FAM184B: variants seen among roughly 807,000 people sequenced by gnomAD.
The protein encoded by FAM184B is family with sequence similarity 184 member B.
FAM184B carries 111 observed loss-of-function variants against 135.9 expected under a neutral mutation model. The ratio of observed to expected loss-of-function variants is 0.82; its 90% CI spans 0.70 to 0.96. The LOEUF is 0.96. FAM184B is among the 40% of genes least tolerant of loss of function. The pLI is 0.00. For missense variants in FAM184B, 1,375 were observed against 1,323.9 expected (o/e 1.04, Z -0.60); for synonymous variants, 552 against 524.8 (o/e 1.05, Z -0.71).
chr4:17,646,679 T>C (rs1374233288), intron 12 of FAM184B, among the ~76,000 whole-genome samples: 1 of 152,140 alleles, frequency 6.6e-6, no homozygotes, highest in Non-Finnish European at 1.5e-5. Flanking sequence ...TGCACACATA[T>C]GTAACAAACC....
chr4:17,650,991 C>T (rs1715600651), intron 11 of FAM184B, among the ~76,000 whole-genome samples: 1 of 152,128 alleles, frequency 6.6e-6, no homozygotes, highest in African/African-American at 2.4e-5. Context: ...TCACCTTGGC[C>T]TCCCAAAGTG....
At chr4:17,669,516 A>C (rs1280579323) in intron 7 of FAM184B, among the ~76,000 whole-genome samples, 1 of 152,226 alleles carries the variant, frequency 6.6e-6, no homozygotes, top group Non-Finnish European at 1.5e-5. Context: ...ATTCAAGGTT[A>C]CAAAGAAATT....
chr4:17,708,778 G>A, intron 2 of FAM184B, 114 bp downstream of exon 2: 1 of 1,014,904 alleles, frequency 9.9e-7, no homozygotes, highest in Non-Finnish European at 1.4e-6. Flanking sequence ...AGATAATAGG[G>A]CTCACCTCCG....
intron 1 of FAM184B, among the ~76,000 whole-genome samples, chr4:17,755,663 G>A (rs1718401812): frequency 6.6e-6 from 1 of 152,140 alleles, no homozygotes; most frequent in Non-Finnish European, 1.5e-5. Context: ...CAACCCAAAT[G>A]CCCATCAATG....
At chr4:17,641,691 G>C (rs1428371475) in intron 13 of FAM184B, among the ~76,000 whole-genome samples, 1 of 89,220 alleles carries the variant, frequency 1.1e-5, no homozygotes, top group African/African-American at 3.5e-5. Context: ...GTGGAGACAG[G>C]GTTTCATCAT....
chr4:17,681,088 G>A (rs938222293), intron 7 of FAM184B, among the ~76,000 whole-genome samples: 4 of 152,156 alleles, frequency 2.6e-5, no homozygotes, highest in African/African-American at 9.7e-5. Flanking sequence ...GCTTTCTCCT[G>A]TTCATTACCA....
In FAM184B at chr4:17,659,970, T is replaced by C; in HGVS notation, c.1812A>G (p.Lys604=). ...LEEDWQSQKA[K]LQAQVSQMQQ... is the part of the protein sequence containing the mutation. Reference sequence around the variant, plus strand: ...AGGGTTGTCCTACCTGGGCTTGCAATTTGGCCTTCTGGCTTTGCCAGTCCT... The same window carrying C: ...AGGGTTGTCCTACCTGGGCTTGCAACTTGGCCTTCTGGCTTTGCCAGTCCT... Residue 604 remains lysine (K), a synonymous_variant, in exon 9 of 18, where the codon AAA becomes AAG. Transcript: ENST00000265018. The C allele has an allele frequency of 1.3e-6, 2 of 1,550,972 alleles. No homozygotes were observed. Among genetic ancestry groups the C allele is most frequent in the Non-Finnish European group, 8.7e-7 (1 of 1,146,976 alleles).
intron 11 of FAM184B, among the ~76,000 whole-genome samples, chr4:17,651,532 T>C (rs1415241655): frequency 1.3e-5 from 1 of 79,554 alleles, no homozygotes; most frequent in Non-Finnish European, 2.2e-5. Context: ...AGCAAGACTC[T>C]GTCTCAAAAA....
At chr4:17,735,675 T>C (rs966659575) in intron 1 of FAM184B, among the ~76,000 whole-genome samples, 2 of 150,246 alleles carry the variant, frequency 1.3e-5, no homozygotes, top group Non-Finnish European at 1.5e-5. Flanking sequence ...CAACCGTTCA[T>C]TTTTCCTCAT....
Position 17,704,994 on chromosome 4 carries a change from T to G in FAM184B, c.1377+6A>C. The G allele has an allele frequency of 6.5e-7, 1 of 1,547,544 alleles. No homozygotes were observed. The highest frequency in any genetic ancestry group is 1.4e-5 in the African/African-American group (1 of 72,702). On this transcript the variant is annotated splice_donor_region_variant and intron_variant, in intron 5 of 17. Transcript: ENST00000265018. ...CCAGAACAGTCTCTATGGAAGTAGG[T>G]CTCACCCTCTGCAGTTTCTTTCTTT...
intron 11 of FAM184B, among the ~76,000 whole-genome samples, chr4:17,650,949 G>T (rs904366863): frequency 6.6e-6 from 1 of 151,968 alleles, no homozygotes; most frequent in South Asian, 2.1e-4. Context: ...GTCCAGGCTG[G>T]TCTTGAACTA....
intron 1 of FAM184B, among the ~76,000 whole-genome samples, chr4:17,742,225 T>G (rs767219753): frequency 5.3e-5 from 8 of 149,942 alleles, no homozygotes; most frequent in Non-Finnish European, 1.0e-4. Context: ...CGCAGCACTT[T>G]GGGAGGCCAA....
intron 7 of FAM184B, among the ~76,000 whole-genome samples, chr4:17,668,751 G>T (rs1378463636): frequency 6.6e-6 from 1 of 152,130 alleles, no homozygotes; most frequent in African/African-American, 2.4e-5. Flanking sequence ...GGCCAGGCTG[G>T]TCTTGAACTC....
At position 17,635,119 on chromosome 4, in the gene FAM184B, A is replaced by T; in HGVS notation, c.2785-6T>A. 1.3e-6 allele frequency: 2 copies of T among 1,548,668 alleles called. No homozygotes were observed. The highest frequency in any genetic ancestry group is 1.7e-6 in the Non-Finnish European group (2 of 1,144,324). The stretch of plus-strand genomic sequence containing the variant: ...TAGTGAAATCTTCTCTCTTCCTAGA[A>T]AACCAATACAACTGAGTCTAAATGA... On this transcript the variant is annotated splice_polypyrimidine_tract_variant and splice_region_variant and intron_variant, in intron 15 of 17. Transcript: ENST00000265018.
chr4:17,635,034 G>A lies in FAM184B; in HGVS notation c.2864C>T (p.Pro955Leu), dbSNP rs763605381. Residue 955 changes from proline to leucine, a missense_variant, in exon 16 of 18, where the codon CCG (proline) becomes CTG (leucine). Coordinates refer to ENST00000265018, the MANE Select transcript of FAM184B (RefSeq NM_015688.2). ...CTTCATGGAAGGGGTCAAATATCCCGGGTGAGGATTGAAAGAGAAAGACCG... is the reference window on the plus strand; with the variant it reads ...CTTCATGGAAGGGGTCAAATATCCCAGGTGAGGATTGAAAGAGAAAGACCG... Reference protein sequence around the residue: ...RNRSFSFNPHPGYLTPSMKKK... With the variant: ...RNRSFSFNPHLGYLTPSMKKK... 59 of 1,551,590 alleles carry A rather than the reference G, an allele frequency of 3.8e-5. No individual in the cohort carries two copies. The highest frequency in any genetic ancestry group is 1.5e-4 in the East Asian group (6 of 40,926).
intron 10 of FAM184B, among the ~76,000 whole-genome samples, chr4:17,657,655 C>G (rs201081352): frequency 8.7e-6 from 1 of 114,470 alleles, no homozygotes; most frequent in Non-Finnish European, 1.7e-5. Flanking sequence ...CTGAGCTGTT[C>G]TTTTTTTTTT....
chr4:17,645,559 C>T (rs1308872317), intron 12 of FAM184B, among the ~76,000 whole-genome samples: 1 of 151,864 alleles, frequency 6.6e-6, no homozygotes, highest in African/African-American at 2.4e-5. Context: ...TTCCTTACAC[C>T]TTATACAAAA....
chr4:17,668,252 C>CAACAGTTG (rs1235777329), intron 7 of FAM184B, among the ~76,000 whole-genome samples: 6 of 152,196 alleles, frequency 3.9e-5, no homozygotes, highest in Non-Finnish European at 8.8e-5. Flanking sequence ...GATAAAGAAG[C>CAACAGTTG]AACAGTTGAA....
chr4:17,753,897 A>T (rs1718362212), intron 1 of FAM184B, among the ~76,000 whole-genome samples: 1 of 152,220 alleles, frequency 6.6e-6, no homozygotes, highest in Non-Finnish European at 1.5e-5. Flanking sequence ...TTGACCTCTT[A>T]GGAAAGGCAA....
Sources: gnomAD v4.1 joint callset for allele counts (sites outside exome capture counted in the v4.1 genomes callset) on GRCh38, gnomAD v4.1.1 for gene constraint, MANE v1.5 for transcripts, NCBI Gene and HGNC (gene_info 2026-07-23, HGNC 2026-07-21) for gene names.